ARPC4: variants seen among roughly 807,000 people sequenced by gnomAD.
ARPC4 encodes the protein actin-related protein 2/3 complex subunit 4.
In ARPC4, 3 loss-of-function variants were observed where a neutral mutation model predicts 22.8. The observed-to-expected ratio is 0.13, with a 90% CI of 0.06 to 0.34. The LOEUF is 0.34. Ranked by LOEUF, ARPC4 falls within the 10% of genes least tolerant of loss-of-function variation. The probability of loss-of-function intolerance (pLI) is 1.00; values close to 1 mark genes in which losing one functional copy is unlikely to be tolerated. For synonymous variants in ARPC4, 80 were observed against 72.5 expected, an observed-to-expected ratio of 1.10 and a Z score of -0.52; for missense variants, 98 against 211.0, an observed-to-expected ratio of 0.46 and a Z score of 3.32.
At chr3:9,792,904 T>A (rs1298216924), upstream of ARPC4, 2 of 1,397,042 alleles carry the variant, frequency 1.4e-6, no homozygotes, top group Non-Finnish European at 1.9e-6. Flanking sequence ...GCTTAAATAG[T>A]GACTCGAGTG....
At chr3:9,793,034 G>T, upstream of ARPC4, 1 of 1,539,986 alleles carries the variant, frequency 6.5e-7, no homozygotes. Flanking sequence ...TCCGGGCGGA[G>T]ACCGTAGCTG....
At chr3:9,794,418 G>A (rs1425367843) in intron 1 of ARPC4, among the ~76,000 whole-genome samples, 1 of 152,098 alleles carries the variant, frequency 6.6e-6, no homozygotes, top group East Asian at 1.9e-4. Context: ...AGAATGGCGT[G>A]AACCCAGAAA....
At position 9,806,926 on chromosome 3, in the gene ARPC4, T is replaced by TCAGTGC. The variant is rs1001544804; in HGVS notation, c.*719_*724dup. The TCAGTGC allele has an allele frequency of 1.3e-5, 2 of 152,644 alleles. No homozygotes were observed. Among genetic ancestry groups the TCAGTGC allele is most frequent in the African/African-American group, 4.8e-5 (2 of 41,466 alleles). The allele number at this position is 152,644 out of a possible 1,614,324, so 9.5% of individuals were successfully genotyped here. On this transcript the variant is annotated 3_prime_UTR_variant, in exon 6 of 6. Coordinates refer to ENST00000397261, the MANE Select transcript of ARPC4 (RefSeq NM_005718.5). ...AGGGGCCGCTGTTTCGCCTTGTCCG[T>TCAGTGC]CAGTGCCAGTGCCTGTGCCAGAGGT...
In ARPC4 at chr3:9,806,532, T is replaced by A; in HGVS notation, c.*317T>A. 2.2e-6 allele frequency: 1 copy of A among 447,462 alleles called. No homozygotes were observed. Among genetic ancestry groups the A allele is most frequent in the Admixed American group, 3.9e-5 (1 of 25,438 alleles). 27.7% of individuals were successfully genotyped at this position (447,462 alleles called of 1,614,324 possible). A position where few individuals can be genotyped will look rare whatever the true frequency, so the allele number is the denominator to read the frequency against. ...CCTTTTTGTCTTTTTTTTTTTTTTTTTTTTTAAACCTCCACCTCCAGTGGC... is the reference window on the plus strand; with the variant it reads ...CCTTTTTGTCTTTTTTTTTTTTTTTATTTTTAAACCTCCACCTCCAGTGGC... On this transcript the variant is annotated 3_prime_UTR_variant, in exon 6 of 6. Coordinates refer to ENST00000397261, the MANE Select transcript of ARPC4 (RefSeq NM_005718.5).
At chr3:9,792,697 G>A (rs1313337980), upstream of ARPC4, 25 of 1,233,638 alleles carry the variant, frequency 2.0e-5, no homozygotes, top group Middle Eastern at 3.1e-4. Context: ...CGAGCGCCAG[G>A]AGCTGCGGGT....
intron 1 of ARPC4, 136 bp from the exon 2 acceptor site, chr3:9,797,523 C>T (rs2078921562): frequency 1.1e-6 from 1 of 936,768 alleles, no homozygotes. Context: ...AAGGCCTAGT[C>T]TGTTCTGTTC....
At chr3:9,794,809 AT>A (rs1276318908) in intron 1 of ARPC4, among the ~76,000 whole-genome samples, 5 of 151,864 alleles carry the variant, frequency 3.3e-5, no homozygotes, top group Admixed American at 1.3e-4. Flanking sequence ...ACAACTACTG[AT>A]TTTTCCCCCC....
intron 5 of ARPC4, among the ~76,000 whole-genome samples, chr3:9,805,953 C>T (rs776530614): frequency 3.9e-5 from 6 of 152,216 alleles, no homozygotes; most frequent in African/African-American, 1.2e-4. Flanking sequence ...CATGCCAGGG[C>T]ACAAGGGAGC....
At chr3:9,804,715 C>A (rs1362087141) in intron 5 of ARPC4, among the ~76,000 whole-genome samples, 1 of 152,104 alleles carries the variant, frequency 6.6e-6, no homozygotes, top group African/African-American at 2.4e-5. Context: ...AGTGTGTACT[C>A]CCACCAGTAA....
chr3:9,792,962 AG>A (rs1252631333), upstream of ARPC4: 1 of 1,412,374 alleles, frequency 7.1e-7, no homozygotes, highest in Non-Finnish European at 9.2e-7. Flanking sequence ...AACTTCCGGA[AG>A]GCCCAAGCGT....
intron 4 of ARPC4, among the ~76,000 whole-genome samples, chr3:9,803,135 G>T (rs1255274718): frequency 6.6e-6 from 1 of 152,126 alleles, no homozygotes; most frequent in Admixed American, 6.6e-5. Context: ...CGCCCACCTC[G>T]GCCTCCCAAA....
At position 9,801,212 on chromosome 3, in the gene ARPC4, GAAAAAAA is replaced by G. The variant is rs745696982; in HGVS notation, c.235-430_235-424del. ...GGTGACAGAGCGAGATTCCATCTCA[GAAAAAAA>G]AAAAAAAAAAAAAAAAAAGAAATGT... On this transcript the variant is annotated intron_variant, in intron 3 of 5. Coordinates refer to ENST00000397261, the MANE Select transcript of ARPC4 (RefSeq NM_005718.5). Among the ~76,000 whole-genome samples, 419 of 66,448 alleles carry G rather than the reference GAAAAAAA, an allele frequency of 6.3e-3. 4 individuals are homozygous for G. In the Middle Eastern group the frequency reaches 0.077, roughly 12 times the overall value. The allele number at this position is 66,448 out of a possible 152,430, so 43.6% of individuals were successfully genotyped here.
chr3:9,802,497 TC>T (rs1298821511), intron 4 of ARPC4, among the ~76,000 whole-genome samples: 1 of 149,884 alleles, frequency 6.7e-6, no homozygotes, highest in Non-Finnish European at 1.5e-5. Flanking sequence ...TGCCTCAGCC[TC>T]CTGAGTAGCT....
chr3:9,800,496 C>T (rs867799290), intron 3 of ARPC4, among the ~76,000 whole-genome samples, 200 bp downstream of exon 3: 3 of 152,138 alleles, frequency 2.0e-5, no homozygotes, highest in African/African-American at 7.2e-5. Flanking sequence ...ATGATCTCAG[C>T]TCACTGCAAC....
chr3:9,795,901 G>A (rs1261482331), intron 1 of ARPC4, among the ~76,000 whole-genome samples: 2 of 152,182 alleles, frequency 1.3e-5, no homozygotes, highest in East Asian at 3.9e-4. Flanking sequence ...TTTGAGACCA[G>A]CCTGGCCAAC....
At chr3:9,795,984 T>C (rs2078875016) in intron 1 of ARPC4, among the ~76,000 whole-genome samples, 1 of 152,108 alleles carries the variant, frequency 6.6e-6, no homozygotes, top group African/African-American at 2.4e-5. Flanking sequence ...TCATCTCAGC[T>C]ATTCGCATGG....
Position 9,801,532 on chromosome 3 carries a change from C to G in ARPC4, c.235-129C>G, listed in dbSNP as rs1009249582. On this transcript the variant is annotated intron_variant, in intron 3 of 5. Coordinates refer to ENST00000397261, the MANE Select transcript of ARPC4 (RefSeq NM_005718.5). ...CAGCCAGGTCCCCCACTTCAGTGAT[C>G]CTTCCGAGTACCAAACCTCACTGTC... The G allele has an allele frequency of 4.5e-5, 38 of 838,318 alleles. 1 individual carries two copies. Among genetic ancestry groups the G allele is most frequent in the Admixed American group, 3.2e-4 (11 of 34,348 alleles). 51.9% of individuals were successfully genotyped at this position (838,318 alleles called of 1,614,324 possible). A position where few individuals can be genotyped will look rare whatever the true frequency, so the allele number is the denominator to read the frequency against.
intron 2 of ARPC4, among the ~76,000 whole-genome samples, chr3:9,799,624 G>C (rs975548506): frequency 1.3e-4 from 20 of 152,038 alleles, no homozygotes; most frequent in Non-Finnish European, 2.9e-5. Context: ...TATATTTTTA[G>C]TACAAATGGG....
intron 1 of ARPC4, among the ~76,000 whole-genome samples, chr3:9,796,573 G>A (rs1223932782): frequency 6.6e-6 from 1 of 152,142 alleles, no homozygotes; most frequent in East Asian, 1.9e-4. Context: ...CATGTGTAAA[G>A]CTCTGAGGTG....
Sources: allele counts gnomAD v4.1 joint callset (sites outside exome capture counted in the v4.1 genomes callset), GRCh38; gene constraint gnomAD v4.1.1; transcripts MANE v1.5; gene names NCBI Gene and HGNC (gene_info 2026-07-23, HGNC 2026-07-21).